The following CTNNA3 variants were observed in gnomAD, a reference collection of about 807,000 sequenced individuals.
CTNNA3 encodes catenin alpha-3.
A neutral mutation model predicts 95.7 loss-of-function variants in CTNNA3; 76 were observed. The observed-to-expected ratio is 0.79, with a 90% CI of 0.66 to 0.96. CTNNA3 has a LOEUF of 0.96. CTNNA3 is among the 40% of genes least tolerant of loss of function. CTNNA3 has a pLI of 0.00. For missense variants in CTNNA3, 1,191 were observed against 1,089.8 expected (o/e 1.09, Z -1.31); for synonymous variants, 431 against 374.4 (o/e 1.15, Z -1.74).
At chr10:67,603,938 T>G (rs572933735) in intron 3 of CTNNA3, among the ~76,000 whole-genome samples, 1 of 152,350 alleles carries the variant, frequency 6.6e-6, no homozygotes, top group Admixed American at 6.5e-5. Context: ...GTTCCATTCA[T>G]GGTATGTGCC....
At chr10:65,989,889 C>G (rs2078504634) in intron 15 of CTNNA3, among the ~76,000 whole-genome samples, 1 of 152,038 alleles carries the variant, frequency 6.6e-6, no homozygotes, top group South Asian at 2.1e-4. Flanking sequence ...CCATGCCAAG[C>G]CTCAGATAAC....
At chr10:66,932,807 G>T (rs1341669814) in intron 7 of CTNNA3, among the ~76,000 whole-genome samples, 1 of 152,110 alleles carries the variant, frequency 6.6e-6, no homozygotes, top group Non-Finnish European at 1.5e-5. Flanking sequence ...GATGATTTTG[G>T]ATACTTAATA....
rs1205297096 is a variant in CTNNA3, at chr10:67,219,838, A to G, written c.612T>C (p.Ile204=). The change falls in exon 6 of 18, where the codon ATT becomes ATC. Residue 204 remains isoleucine (I), a synonymous_variant. Coordinates refer to ENST00000433211, the MANE Select transcript of CTNNA3 (RefSeq NM_013266.4). The part of the protein sequence containing the change: ...DLKSPNQRDE[I]AGARASLKEN... The stretch of plus-strand genomic sequence containing the variant: ...CCTTCAGTGAAGCTCGGGCTCCTGC[A>G]ATTTCATCTCTCTGATTTGGAGATT... 18 of 1,612,542 alleles carry G rather than the reference A, an allele frequency of 1.1e-5. No homozygotes were observed. Among genetic ancestry groups the G allele is most frequent in the Non-Finnish European group, 1.4e-5 (17 of 1,179,022 alleles).
intron 14 of CTNNA3, among the ~76,000 whole-genome samples, chr10:66,076,074 A>T (rs189582649): frequency 2.0e-5 from 3 of 151,742 alleles, no homozygotes; most frequent in South Asian, 2.1e-4. Flanking sequence ...TTCAAAATAA[A>T]ATGTTTGATA....
rs547514423 is a variant in CTNNA3, at chr10:67,336,894, G to GA, written c.580-117025dup. On this transcript the variant is annotated intron_variant, in intron 5 of 17. Transcript: ENST00000433211. The stretch of plus-strand genomic sequence containing the variant: ...GCTCACTGTGGAGACCTACTGCTCA[G>GA]AAAAAAGATTCCTTTCAAAATATTA... 8.1e-3 allele frequency among the ~76,000 whole-genome samples: 1,230 copies of GA among 152,168 alleles called. 26 individuals are homozygous for GA. The highest frequency in any genetic ancestry group is 0.028 in the African/African-American group (1,161 of 41,508).
chr10:66,626,273 A>T (rs1419326402), intron 9 of CTNNA3, among the ~76,000 whole-genome samples: 2 of 152,168 alleles, frequency 1.3e-5, no homozygotes, highest in African/African-American at 4.8e-5. Flanking sequence ...GTTCCCACAC[A>T]GGTATTTACC....
At chr10:67,241,289 G>C (rs1865709525) in intron 5 of CTNNA3, among the ~76,000 whole-genome samples, 1 of 152,086 alleles carries the variant, frequency 6.6e-6, no homozygotes, top group South Asian at 2.1e-4. Flanking sequence ...TGGGCATGGT[G>C]GTGTGCACCA....
At chr10:67,075,864 C>T (rs1246405326) in intron 7 of CTNNA3, among the ~76,000 whole-genome samples, 1 of 152,208 alleles carries the variant, frequency 6.6e-6, no homozygotes, top group Non-Finnish European at 1.5e-5. Flanking sequence ...AAAATCTGAG[C>T]TTTCAATCAA....
At chr10:67,189,911 A>G (rs1026300487) in intron 6 of CTNNA3, among the ~76,000 whole-genome samples, 2 of 152,180 alleles carry the variant, frequency 1.3e-5, no homozygotes, top group Non-Finnish European at 2.9e-5. Flanking sequence ...GCAAATATCA[A>G]TATTTTAAAA....
intron 11 of CTNNA3, among the ~76,000 whole-genome samples, chr10:66,515,329 G>GTCTCTCTCTC (rs373915427): frequency 5.6e-4 from 72 of 128,104 alleles, no homozygotes; most frequent in African/African-American, 2.1e-3. Flanking sequence ...CTCCCTCTCT[G>GTCTCTCTCTC]TCTCTCTCTC....
intron 7 of CTNNA3, among the ~76,000 whole-genome samples, chr10:66,823,148 A>C (rs1438183676): frequency 6.6e-6 from 1 of 152,194 alleles, no homozygotes; most frequent in African/African-American, 2.4e-5. Context: ...GGAGTCTGGA[A>C]AATCCATATA....
chr10:66,776,594 C>T (rs368325564), intron 7 of CTNNA3, among the ~76,000 whole-genome samples: 1 of 152,236 alleles, frequency 6.6e-6, no homozygotes, highest in South Asian at 2.1e-4. Context: ...CTGCTATATA[C>T]TCTCCTTTAC....
intron 12 of CTNNA3, among the ~76,000 whole-genome samples, chr10:66,326,261 A>C (rs1406940118): frequency 1.3e-5 from 2 of 152,120 alleles, no homozygotes; most frequent in Non-Finnish European, 2.9e-5. Flanking sequence ...CTTGATCTAC[A>C]TGTTACGCTT....
intron 12 of CTNNA3, among the ~76,000 whole-genome samples, chr10:66,330,238 G>A (rs61605371): frequency 2.1e-5 from 3 of 139,566 alleles, no homozygotes; most frequent in African/African-American, 5.4e-5. Flanking sequence ...CCCCACAACA[G>A]GCCCCGGTGT....
chr10:66,910,611 G>A (rs1846181678), intron 7 of CTNNA3, among the ~76,000 whole-genome samples: 1 of 152,150 alleles, frequency 6.6e-6, no homozygotes, highest in African/African-American at 2.4e-5. Context: ...GTAGCATGTA[G>A]GCATTGAAGA....
chr10:67,703,985 G>A lies in CTNNA3; in HGVS notation c.-1-56471C>T, dbSNP rs555653022. 5.9e-4 allele frequency among the ~76,000 whole-genome samples: 90 copies of A among 152,234 alleles called. 2 individuals carry two copies. The highest frequency in any genetic ancestry group is 2.1e-3 in the African/African-American group (86 of 41,534). ...CAAGCATTCTTATACACCAATAACAGACAAACAGAGAGCCAAATCATGAGT... is the reference window on the plus strand; with the variant it reads ...CAAGCATTCTTATACACCAATAACAAACAAACAGAGAGCCAAATCATGAGT... On this transcript the variant is annotated intron_variant, in intron 1 of 17. Transcript: ENST00000684154.
intron 5 of CTNNA3, among the ~76,000 whole-genome samples, chr10:67,359,818 G>C (rs1842935020): frequency 6.6e-6 from 1 of 152,062 alleles, no homozygotes; most frequent in Admixed American, 6.6e-5. Context: ...TCTCACTAGA[G>C]AAGTCAACAT....
At position 67,252,688 on chromosome 10, in the gene CTNNA3, G is replaced by A. The variant is rs78040894; in HGVS notation, c.580-32818C>T. On this transcript the variant is annotated intron_variant, in intron 5 of 17. Transcript: ENST00000433211. ...GACATACCGTTAGGCTACTATTGCC[G>A]TGTATTCCTGAATCATGTGTAACCA... Among the ~76,000 whole-genome samples, 160 of 152,272 alleles carry A rather than the reference G, an allele frequency of 1.1e-3. No homozygotes were observed. The East Asian group carries it at 0.024, about 23-fold the overall frequency.
At chr10:67,093,106 G>GTA (rs1857753944) in intron 7 of CTNNA3, among the ~76,000 whole-genome samples, 1 of 151,900 alleles carries the variant, frequency 6.6e-6, no homozygotes, top group African/African-American at 2.4e-5. Context: ...GTTTAGCAGG[G>GTA]TAAATTCATG....
Sources: allele counts gnomAD v4.1 joint callset (sites outside exome capture counted in the v4.1 genomes callset), GRCh38; gene constraint gnomAD v4.1.1; transcripts MANE v1.5; gene names NCBI Gene and HGNC (gene_info 2026-07-23, HGNC 2026-07-21).